Variants in COL19A1 observed in about 807,000 individuals in gnomAD.
COL19A1 encodes the protein collagen type XIX alpha 1 chain.
A neutral mutation model predicts 190.2 loss-of-function variants in COL19A1; 159 were observed. The observed-to-expected ratio is 0.84, with a 90% CI of 0.73 to 0.95. The LOEUF (loss-of-function observed/expected upper bound fraction) is 0.95. COL19A1 is among the 40% of genes least tolerant of loss of function. The probability of loss-of-function intolerance (pLI) is 0.00; values close to 1 mark genes in which losing one functional copy is unlikely to be tolerated. For missense variants in COL19A1, 1,418 were observed against 1,431.9 expected (o/e 0.99, Z 0.16); for synonymous variants, 509 against 458.9 (o/e 1.11, Z -1.39).
At chr6:69,947,051 C>T (rs1773864360) in intron 9 of COL19A1, among the ~76,000 whole-genome samples, 1 of 151,866 alleles carries the variant, frequency 6.6e-6, no homozygotes, top group Non-Finnish European at 1.5e-5. Context: ...AAAATATTTA[C>T]TCTCTGGCCC....
intron 14 of COL19A1, among the ~76,000 whole-genome samples, chr6:70,066,670 A>G (rs16868501): frequency 0.029 from 4,435 of 152,012 alleles, 121 homozygotes; most frequent in Middle Eastern, 0.085. Flanking sequence ...CATAATAAGT[A>G]ACTATGGATC....
At chr6:69,950,817 C>G (rs1487412379) in intron 9 of COL19A1, among the ~76,000 whole-genome samples, 1 of 151,678 alleles carries the variant, frequency 6.6e-6, no homozygotes, top group African/African-American at 2.4e-5. Context: ...ATATAACACT[C>G]AAATCATGTT....
rs550061144 is a variant in COL19A1, at chr6:69,929,473, C to G, written c.439C>G (p.Gln147Glu). 6.2e-7 allele frequency: 1 copy of G among 1,613,930 alleles called. No homozygotes were observed. Among genetic ancestry groups the G allele is most frequent in the Admixed American group, 1.7e-5 (1 of 59,994 alleles). ...GGKKVVEFMF[Q>E]ATEGDVLNYI... ...AAAGAAGGTGGTGGAATTTATGTTT[C>G]AAGCCACAGAGGGAGATGTGTTGAA... Residue 147 changes from glutamine (Q) to glutamate (E), a missense_variant, in exon 6 of 51, where the codon CAA becomes GAA. By Grantham distance (29) the Gln-to-Glu change is conservative. Transcript: ENST00000620364.
At chr6:70,126,534 T>C (rs1034567771) in intron 17 of COL19A1, among the ~76,000 whole-genome samples, 42 of 152,232 alleles carry the variant, frequency 2.8e-4, no homozygotes, top group Admixed American at 2.0e-4. Flanking sequence ...CTTCCCTTCC[T>C]TTCATGACCC....
chr6:70,109,903 G>T (rs965520482), intron 16 of COL19A1, among the ~76,000 whole-genome samples: 1 of 152,148 alleles, frequency 6.6e-6, no homozygotes, highest in Admixed American at 6.6e-5. Context: ...CAGTTGAACA[G>T]TTGGGGCAAT....
chr6:70,155,934 G>A (rs1787402401), intron 31 of COL19A1, among the ~76,000 whole-genome samples, 193 bp from the exon 32 acceptor site: 1 of 152,062 alleles, frequency 6.6e-6, no homozygotes, highest in Non-Finnish European at 1.5e-5. Context: ...TATCACTGAT[G>A]AGCTTTGTAA....
At chr6:70,188,049 C>T (rs372838561) in intron 46 of COL19A1, 26 bp from the exon 47 acceptor site, 2 of 1,611,700 alleles carry the variant, frequency 1.2e-6, no homozygotes, top group East Asian at 2.2e-5. Flanking sequence ...AGAGATTATT[C>T]TTTGTTATTA....
At chr6:70,030,053 C>T (rs1778963617) in intron 12 of COL19A1, among the ~76,000 whole-genome samples, 1 of 152,182 alleles carries the variant, frequency 6.6e-6, no homozygotes, top group Non-Finnish European at 1.5e-5. Context: ...CTGAAATCCA[C>T]ATCTGTGAAG....
intron 11 of COL19A1, among the ~76,000 whole-genome samples, chr6:70,019,932 G>T (rs1309620416): frequency 6.6e-6 from 1 of 151,872 alleles, no homozygotes; most frequent in African/African-American, 2.4e-5. Flanking sequence ...CTATTGTTTG[G>T]AATTTATTAA....
chr6:70,003,168 A>G (rs1777380265), intron 11 of COL19A1, among the ~76,000 whole-genome samples: 1 of 152,190 alleles, frequency 6.6e-6, no homozygotes, highest in African/African-American at 2.4e-5. Context: ...GAGGTTGTTC[A>G]ATTTCCATGT....
chr6:69,927,191 T>C (rs530339159), intron 4 of COL19A1, among the ~76,000 whole-genome samples: 237 of 152,260 alleles, frequency 1.6e-3, no homozygotes, highest in African/African-American at 5.3e-3. Flanking sequence ...GAATAGTTAA[T>C]TACATAGATA....
At chr6:70,180,621 A>G (rs1766114228) in intron 44 of COL19A1, 98 bp downstream of exon 44, 2 of 1,302,998 alleles carry the variant, frequency 1.5e-6, no homozygotes, top group Middle Eastern at 1.9e-4. Flanking sequence ...TTGAATAAGC[A>G]GTTTCCAAGG....
rs1317363372 is a variant in COL19A1, at chr6:70,140,984, G to C, written c.1477G>C (p.Asp493His). 1 of 1,609,542 alleles carries C rather than the reference G, an allele frequency of 6.2e-7. No homozygotes were observed. Among genetic ancestry groups the C allele is most frequent in the South Asian group, 1.1e-5 (1 of 90,810 alleles). ...GEPFTKGEKG[D>H]RGEPGVIGSQ... The stretch of plus-strand genomic sequence containing the variant: ...GCCTTTTACAAAAGGAGAAAAAGGA[G>C]ATAGAGTAAGTAGATATTTTATCAC... The change falls in exon 20 of 51, where the codon GAT becomes CAT. Residue 493 changes from aspartate (D) to histidine (H), a missense_variant. Physicochemically the swap from Asp to His is moderately conservative, Grantham distance 81. Coordinates refer to ENST00000620364, the MANE Select transcript of COL19A1 (RefSeq NM_001858.6).
At chr6:70,111,226 G>A (rs1172478591) in intron 16 of COL19A1, among the ~76,000 whole-genome samples, 2 of 152,168 alleles carry the variant, frequency 1.3e-5, no homozygotes, top group Non-Finnish European at 2.9e-5. Context: ...TGAATAAGGA[G>A]CTCAGCTCAA....
chr6:70,108,782 C>A (rs1387247597), intron 16 of COL19A1, among the ~76,000 whole-genome samples: 2 of 152,064 alleles, frequency 1.3e-5, no homozygotes, highest in Non-Finnish European at 2.9e-5. Context: ...TGCTTCTTTT[C>A]TAAAACAAGT....
At chr6:70,130,616 G>A (rs1229897368) in intron 18 of COL19A1, among the ~76,000 whole-genome samples, 2 of 152,208 alleles carry the variant, frequency 1.3e-5, no homozygotes, top group Admixed American at 1.3e-4. Flanking sequence ...GGCAGCAGTT[G>A]GGTTGCATCT....
intron 16 of COL19A1, among the ~76,000 whole-genome samples, chr6:70,104,524 C>T (rs1302074894): frequency 6.6e-6 from 1 of 152,144 alleles, no homozygotes; most frequent in Non-Finnish European, 1.5e-5. Context: ...CCACCAGGTT[C>T]CTCCCCCAGC....
intron 11 of COL19A1, among the ~76,000 whole-genome samples, chr6:70,020,512 T>A (rs1320570726): frequency 3.9e-5 from 6 of 152,168 alleles, no homozygotes; most frequent in African/African-American, 1.4e-4. Context: ...GGATTGCACA[T>A]TTGTTCCTAA....
chr6:69,943,673 G>A (rs1773613524), intron 9 of COL19A1, among the ~76,000 whole-genome samples: 1 of 152,072 alleles, frequency 6.6e-6, no homozygotes, highest in Non-Finnish European at 1.5e-5. Context: ...CTCAATGCAC[G>A]TTCCTGGCAC....
Sources: gnomAD v4.1 joint callset for allele counts (sites outside exome capture counted in the v4.1 genomes callset) on GRCh38, gnomAD v4.1.1 for gene constraint, MANE v1.5 for transcripts, NCBI Gene and HGNC (gene_info 2026-07-23, HGNC 2026-07-21) for gene names.